The following SNTG2 variants were observed in gnomAD, a reference collection of about 807,000 sequenced individuals.
SNTG2 encodes syntrophin gamma 2.
In SNTG2, 74 loss-of-function variants were observed where a neutral mutation model predicts 70.9. The observed-to-expected ratio is 1.04, with a 90% CI of 0.86 to 1.27. SNTG2 has a LOEUF of 1.27. Among genes scored for constraint, SNTG2 ranks in the 50% most tolerant of loss-of-function variants. The pLI is 0.00. For synonymous variants in SNTG2, 278 were observed against 273.8 expected, an observed-to-expected ratio of 1.02 and a Z score of -0.15; for missense variants, 717 against 690.7, an observed-to-expected ratio of 1.04 and a Z score of -0.43.
intron 4 of SNTG2, among the ~76,000 whole-genome samples, chr2:1,121,608 T>TA (rs1260519702): frequency 1.3e-5 from 2 of 152,268 alleles, no homozygotes; most frequent in Admixed American, 6.5e-5. Context: ...TCAGAAGACT[T>TA]ACAATCATAG....
At chr2:981,818 T>C (rs1661108476) in intron 1 of SNTG2, among the ~76,000 whole-genome samples, 1 of 152,124 alleles carries the variant, frequency 6.6e-6, no homozygotes, top group Non-Finnish European at 1.5e-5. Flanking sequence ...CATGAAACTA[T>C]GCACACACAA....
At chr2:1,057,029 G>A (rs531793146) in intron 1 of SNTG2, among the ~76,000 whole-genome samples, 2 of 151,980 alleles carry the variant, frequency 1.3e-5, no homozygotes, top group African/African-American at 2.4e-5. Context: ...TGTGCTGCGG[G>A]GAACGATGCA....
intron 1 of SNTG2, among the ~76,000 whole-genome samples, chr2:964,958 C>G (rs552139364): frequency 6.6e-6 from 1 of 151,438 alleles, no homozygotes; most frequent in African/African-American, 2.4e-5. Context: ...TGGTTCTGGT[C>G]CTGCTCCTTG....
chr2:1,126,379 T>C (rs1363565055), intron 4 of SNTG2, among the ~76,000 whole-genome samples: 1 of 152,252 alleles, frequency 6.6e-6, no homozygotes. Flanking sequence ...CTTTATTCAT[T>C]CACCTGTTGT....
At chr2:1,021,384 T>G (rs563157783) in intron 1 of SNTG2, among the ~76,000 whole-genome samples, 2 of 152,176 alleles carry the variant, frequency 1.3e-5, no homozygotes, top group Non-Finnish European at 1.5e-5. Flanking sequence ...CATAATACTT[T>G]GCTGAATCCA....
rs933300349 is a variant in SNTG2 at position 1,353,674 on chromosome 2, C to T, written c.1489-13669C>T. 1 of 152,170 alleles carries T rather than the reference C, an allele frequency of 6.6e-6. No individual in the cohort carries two copies. Among genetic ancestry groups the T allele is most frequent in the Non-Finnish European group, 1.5e-5 (1 of 68,048 alleles). The allele number at this position is 152,170 out of a possible 1,614,324, so 9.4% of individuals were successfully genotyped here. ...AATGCTGATTGACTTCACCTTTGCCCCCTTTCCCATAGGGCCATTAGGTAA... is the reference window on the plus strand; with the variant it reads ...AATGCTGATTGACTTCACCTTTGCCTCCTTTCCCATAGGGCCATTAGGTAA... On this transcript the variant is annotated intron_variant, in intron 16 of 16. Coordinates refer to ENST00000308624, the MANE Select transcript of SNTG2 (RefSeq NM_018968.4). This position sits in a 1 kb window ranked among gnomAD's most constrained non-coding sequence, Gnocchi z 4.2.
chr2:1,041,498 A>G (rs552332049), intron 1 of SNTG2, among the ~76,000 whole-genome samples: 2 of 152,248 alleles, frequency 1.3e-5, no homozygotes, highest in East Asian at 1.9e-4. Context: ...TTGAATTGTG[A>G]TCTCCAGTGT....
chr2:1,160,909 A>G (rs1670231746), intron 6 of SNTG2: 1 of 152,298 alleles, frequency 6.6e-6, no homozygotes, highest in South Asian at 2.1e-4. Flanking sequence ...AGGCATGGCT[A>G]AGCTGACTCA....
intron 16 of SNTG2, among the ~76,000 whole-genome samples, chr2:1,323,188 C>A (rs562025425): frequency 6.6e-6 from 1 of 152,208 alleles, no homozygotes; most frequent in African/African-American, 2.4e-5. Flanking sequence ...TGGGTAGGGT[C>A]TGTCTCTCTG....
intron 6 of SNTG2, among the ~76,000 whole-genome samples, chr2:1,156,857 G>A (rs549913970): frequency 5.9e-5 from 9 of 152,106 alleles, no homozygotes; most frequent in South Asian, 2.1e-4. Context: ...AGATTCCAGC[G>A]CAGGGCGGCA....
chr2:1,064,313 G>A (rs2148120751), intron 1 of SNTG2, among the ~76,000 whole-genome samples: 1 of 152,148 alleles, frequency 6.6e-6, no homozygotes, highest in South Asian at 2.1e-4. Flanking sequence ...GAAAGGAAAT[G>A]AAAGCAGATA....
chr2:1,090,261 G>A (rs939786015), intron 2 of SNTG2, among the ~76,000 whole-genome samples: 10 of 152,182 alleles, frequency 6.6e-5, no homozygotes, highest in Non-Finnish European at 1.2e-4. Context: ...TTAGTTGGAT[G>A]TAAGTCCCCA....
At chr2:1,163,238 G>A (rs1670453559) in intron 6 of SNTG2, 1 of 152,020 alleles carries the variant, frequency 6.6e-6, no homozygotes, top group Non-Finnish European at 1.5e-5. Flanking sequence ...CAGGAAGCGG[G>A]CCTGTGAAGC....
At chr2:1,007,684 G>T (rs188896418) in intron 1 of SNTG2, among the ~76,000 whole-genome samples, 1 of 152,184 alleles carries the variant, frequency 6.6e-6, no homozygotes, top group Admixed American at 6.5e-5. Flanking sequence ...CTCAGTAAGC[G>T]TTCAGGTCTA....
chr2:1,011,092 G>T (rs926342980), intron 1 of SNTG2, among the ~76,000 whole-genome samples: 1 of 152,176 alleles, frequency 6.6e-6, no homozygotes, highest in Non-Finnish European at 1.5e-5. Context: ...TTTATTGAAC[G>T]GAAGACAGAT....
At chr2:1,049,052 A>G (rs999859920) in intron 1 of SNTG2, among the ~76,000 whole-genome samples, 2 of 152,186 alleles carry the variant, frequency 1.3e-5, no homozygotes, top group African/African-American at 4.8e-5. Context: ...TAAAATATAC[A>G]GATTTCCTAT....
intron 7 of SNTG2, among the ~76,000 whole-genome samples, chr2:1,169,331 GC>G (rs1279338516): frequency 6.6e-6 from 1 of 152,134 alleles, no homozygotes; most frequent in Non-Finnish European, 1.5e-5. Flanking sequence ...TCACCCTGGG[GC>G]CGTTCCTGAC....
intron 4 of SNTG2, among the ~76,000 whole-genome samples, chr2:1,130,674 G>A (rs1246171830): frequency 1.3e-5 from 2 of 152,186 alleles, no homozygotes; most frequent in East Asian, 3.9e-4. Flanking sequence ...AGTAACCTGA[G>A]AAAGTCTTGT....
In SNTG2 at chr2:1,317,793, T is replaced by G; in HGVS notation, c.1488+1418T>G. On this transcript the variant is annotated intron_variant, in intron 16 of 16. Transcript: ENST00000308624. ...GAGAAGGTTGGGATTCTGGAGCATT[T>G]CAGGGTTTGGATTTTCATTTTTGGG... Among the ~76,000 whole-genome samples, 2 of 148,640 alleles carry G rather than the reference T, an allele frequency of 1.3e-5. 1 individual carries two copies. Among genetic ancestry groups the G allele is most frequent in the Admixed American group, 1.4e-4 (2 of 14,780 alleles).
Sources: gnomAD v4.1 joint callset for allele counts (sites outside exome capture counted in the v4.1 genomes callset) on GRCh38, gnomAD v4.1.1 for gene constraint, Gnocchi (gnomAD v3.1) non-coding constraint, MANE v1.5 for transcripts, NCBI Gene and HGNC (gene_info 2026-07-23, HGNC 2026-07-21) for gene names.